The following C12orf54 variants were observed in gnomAD, a reference collection of about 807,000 sequenced individuals.
The protein encoded by C12orf54 is uncharacterized protein C12orf54.
Under a neutral mutation model 26.4 loss-of-function variants are expected in C12orf54, and 24 were observed. The ratio of observed to expected loss-of-function variants is 0.91; its 90% CI spans 0.66 to 1.28. C12orf54 has a LOEUF of 1.28. Among genes scored for constraint, C12orf54 ranks in the 50% most tolerant of loss-of-function variants. C12orf54 has a pLI of 0.00. For missense variants in C12orf54, 154 were observed against 150.9 expected, an observed-to-expected ratio of 1.02 and a Z score of -0.11; for synonymous variants, 54 against 47.0, an observed-to-expected ratio of 1.15 and a Z score of -0.61.
intron 2 of C12orf54, among the ~76,000 whole-genome samples, chr12:48,484,429 T>C (rs879899680): frequency 5.3e-5 from 8 of 152,234 alleles, no homozygotes; most frequent in East Asian, 1.9e-4. Flanking sequence ...TAGACTTCTA[T>C]ATGAGAAAGC....
intron 5 of C12orf54, 94 bp from the exon 6 acceptor site, chr12:48,490,718 A>G: frequency 2.8e-6 from 4 of 1,413,628 alleles, no homozygotes; most frequent in Non-Finnish European, 3.9e-6. Context: ...CCAAACAGAC[A>G]TCCCTGCATT....
At chr12:48,439,781 A>G in the C12orf54 span, among the ~76,000 whole-genome samples, 1 of 152,148 alleles carries the variant, frequency 6.6e-6, no homozygotes. Flanking sequence ...TAGCATTAGG[A>G]GATATACCTA....
At chr12:48,479,630 G>A (rs1954178485), upstream of C12orf54, among the ~76,000 whole-genome samples, 2 of 150,958 alleles carry the variant, frequency 1.3e-5, no homozygotes, top group South Asian at 4.2e-4. Flanking sequence ...ACCCGAGCAC[G>A]GAAAAACTAA....
chr12:48,438,532 G>T, the C12orf54 span, among the ~76,000 whole-genome samples: 2 of 152,192 alleles, frequency 1.3e-5, no homozygotes, highest in Non-Finnish European at 2.9e-5. Context: ...AACCAAAACA[G>T]CATGGTACTG....
At chr12:48,422,745 T>A in the C12orf54 span, among the ~76,000 whole-genome samples, 1 of 152,182 alleles carries the variant, frequency 6.6e-6, no homozygotes, top group African/African-American at 2.4e-5. Context: ...AGTGAAAATA[T>A]CAATTTTCTT....
chr12:48,479,699 T>C (rs1019368654), upstream of C12orf54, among the ~76,000 whole-genome samples: 6 of 151,968 alleles, frequency 3.9e-5, no homozygotes, highest in African/African-American at 1.4e-4. Flanking sequence ...TCCTAGTGAA[T>C]GTACAGTTGC....
the C12orf54 span, among the ~76,000 whole-genome samples, chr12:48,418,265 G>T: frequency 7.9e-5 from 12 of 152,338 alleles, no homozygotes; most frequent in South Asian, 1.2e-3. Flanking sequence ...GGAAGGGAAA[G>T]ACATTCTCTA....
At chr12:48,447,208 TACTC>T in the C12orf54 span, among the ~76,000 whole-genome samples, 1 of 97,356 alleles carries the variant, frequency 1.0e-5, no homozygotes, top group Admixed American at 1.3e-4. Context: ...CTCTCTCTCT[TACTC>T]TGTGTGTGTG....
At chr12:48,466,387 A>G in the C12orf54 span, among the ~76,000 whole-genome samples, 4 of 152,118 alleles carry the variant, frequency 2.6e-5, no homozygotes, top group African/African-American at 9.7e-5. Context: ...TAATAAAAAT[A>G]CAAAAATTAG....
the C12orf54 span, among the ~76,000 whole-genome samples, chr12:48,448,246 A>G: frequency 6.6e-6 from 1 of 152,190 alleles, no homozygotes; most frequent in Non-Finnish European, 1.5e-5. Context: ...TTAGTTTGCT[A>G]TATTTATTGT....
At chr12:48,442,181 C>T in the C12orf54 span, 11 of 177,838 alleles carry the variant, frequency 6.2e-5, no homozygotes, top group East Asian at 1.1e-3. Flanking sequence ...CATGAGATAG[C>T]GGAGTAATCC....
intron 8 of C12orf54, chr12:48,495,689 T>A (rs960940355): frequency 2.0e-5 from 3 of 152,524 alleles, no homozygotes; most frequent in African/African-American, 4.8e-5. Flanking sequence ...ACAATCTGAG[T>A]TATAGGTGAT....
chr12:48,449,377 C>T, the C12orf54 span, among the ~76,000 whole-genome samples: 1 of 152,096 alleles, frequency 6.6e-6, no homozygotes, highest in Non-Finnish European at 1.5e-5. Context: ...AGGTAAAATA[C>T]TTTCGTTTTC....
At chr12:48,475,710 G>C in the C12orf54 span, among the ~76,000 whole-genome samples, 1 of 152,188 alleles carries the variant, frequency 6.6e-6, no homozygotes, top group Non-Finnish European at 1.5e-5. Flanking sequence ...AGAATAAAAA[G>C]AAATGAACAA....
chr12:48,464,810 G>A, the C12orf54 span, among the ~76,000 whole-genome samples: 5 of 152,176 alleles, frequency 3.3e-5, no homozygotes, highest in Admixed American at 6.5e-5. Context: ...ACAAAAACAA[G>A]CAATGAGGAA....
the C12orf54 span, among the ~76,000 whole-genome samples, chr12:48,474,312 G>T: frequency 6.6e-6 from 1 of 152,178 alleles, no homozygotes; most frequent in African/African-American, 2.4e-5. Flanking sequence ...CTCCCAGCAT[G>T]AGCGATACAG....
chr12:48,486,057 C>T, intron 2 of C12orf54, 121 bp from the exon 3 acceptor site: 1 of 976,240 alleles, frequency 1.0e-6, no homozygotes, highest in Non-Finnish European at 1.6e-6. Context: ...GGCTACCCTT[C>T]CTGGATTTTT....
the C12orf54 span, among the ~76,000 whole-genome samples, chr12:48,443,961 A>G: frequency 1.3e-5 from 2 of 152,256 alleles, no homozygotes; most frequent in Admixed American, 1.3e-4. Flanking sequence ...AATCGAGTCC[A>G]TACTACCTGC....
upstream of C12orf54, among the ~76,000 whole-genome samples, chr12:48,481,885 A>G (rs1398440151): frequency 1.3e-5 from 2 of 152,174 alleles, no homozygotes; most frequent in Non-Finnish European, 2.9e-5. Flanking sequence ...TCAAGGGAGA[A>G]GCTGGCCCTT....
Sources: gnomAD v4.1 joint callset for allele counts (sites outside exome capture counted in the v4.1 genomes callset) on GRCh38, gnomAD v4.1.1 for gene constraint, MANE v1.5 for transcripts, NCBI Gene and HGNC (gene_info 2026-07-23, HGNC 2026-07-21) for gene names.